The following ASAH2B variants were observed in gnomAD, a reference collection of about 807,000 sequenced individuals.
ASAH2B encodes N-acylsphingosine amidohydrolase 2B.
ASAH2B carries 1 observed loss-of-function variant against 2.9 expected under a neutral mutation model. The observed-to-expected ratio is 0.34, with a 90% confidence interval of 0.12 to 1.63. The LOEUF is 1.63. Ranked by LOEUF, ASAH2B falls within the 40% of genes most tolerant of loss-of-function variation. The pLI is 0.36. For missense variants in ASAH2B, 9 were observed against 37.7 expected, an observed-to-expected ratio of 0.24 and a Z score of 1.99; for synonymous variants, 4 against 13.3, an observed-to-expected ratio of 0.30 and a Z score of 1.52.
At chr10:50,746,975 T>G (rs1445729282) in intron 3 of ASAH2B, among the ~76,000 whole-genome samples, 2 of 150,770 alleles carry the variant, frequency 1.3e-5, no homozygotes, top group Non-Finnish European at 3.0e-5. Context: ...TGTTAATTGT[T>G]TTTTTGGTTG....
intron 3 of ASAH2B, among the ~76,000 whole-genome samples, chr10:50,746,862 C>T (rs1462197521): frequency 6.6e-6 from 1 of 151,058 alleles, no homozygotes; most frequent in Non-Finnish European, 1.5e-5. Flanking sequence ...TGTTTTCTTG[C>T]TATAGAGTTG....
intron 4 of ASAH2B, among the ~76,000 whole-genome samples, chr10:50,751,657 A>G (rs1373566227): frequency 0.016 from 2,460 of 150,774 alleles, no homozygotes; most frequent in African/African-American, 0.058. Context: ...TAGGTGATAC[A>G]TTTAGCAAGG....
intron 2 of ASAH2B, 44 bp downstream of exon 2, chr10:50,743,054 GT>G: frequency 6.3e-7 from 1 of 1,587,886 alleles, no homozygotes; most frequent in Non-Finnish European, 8.6e-7. Context: ...GTGTGTGTGT[GT>G]GTGTATGTCT....
chr10:50,758,685 T>C lies in ASAH2B; in HGVS notation c.*3945T>C, dbSNP rs1468817621. On this transcript the variant is annotated 3_prime_UTR_variant, in exon 6 of 6. Coordinates refer to ENST00000647317, the MANE Select transcript of ASAH2B (RefSeq NM_001321958.2). ...TTTCTGTATTGCAAAATGTATACGTTCCTTTAACAGATTTATATCAAGCAC... is the reference window on the plus strand; with the variant it reads ...TTTCTGTATTGCAAAATGTATACGTCCCTTTAACAGATTTATATCAAGCAC... 1 of 152,144 alleles carries C rather than the reference T, an allele frequency of 6.6e-6. No homozygotes were observed. Among genetic ancestry groups the C allele is most frequent in the Non-Finnish European group, 1.5e-5 (1 of 67,976 alleles). 9.4% of individuals were successfully genotyped at this position (152,144 alleles called of 1,614,324 possible).
At chr10:50,742,182 A>G (rs1211967371) in intron 1 of ASAH2B, among the ~76,000 whole-genome samples, 3 of 152,258 alleles carry the variant, frequency 2.0e-5, no homozygotes, top group Non-Finnish European at 2.9e-5. Context: ...GGTGAAATCT[A>G]TTTGTACCTT....
chr10:50,747,092 T>C (rs1193421626), intron 3 of ASAH2B, among the ~76,000 whole-genome samples: 1 of 150,530 alleles, frequency 6.6e-6, no homozygotes, highest in East Asian at 1.9e-4. Flanking sequence ...TACACCAACA[T>C]CATGGAACTT....
At chr10:50,742,423 A>G (rs1461058796) in intron 1 of ASAH2B, among the ~76,000 whole-genome samples, 1 of 152,232 alleles carries the variant, frequency 6.6e-6, no homozygotes. Context: ...ATAACTTTGA[A>G]GTTCCTGTAG....
chr10:50,742,839 T>A (rs1226707653), intron 1 of ASAH2B, 76 bp from the exon 2 acceptor site: 11 of 1,453,660 alleles, frequency 7.6e-6, no homozygotes. Flanking sequence ...GCATCACACT[T>A]ACCTAAAATG....
intron 2 of ASAH2B, among the ~76,000 whole-genome samples, chr10:50,743,501 G>A (rs944481029): frequency 3.7e-4 from 56 of 150,612 alleles, no homozygotes; most frequent in Non-Finnish European, 1.3e-4. Context: ...ATCAGAGGAA[G>A]CTTATTATTA....
At chr10:50,747,286 A>G (rs1329764121) in intron 3 of ASAH2B, among the ~76,000 whole-genome samples, 1 of 151,328 alleles carries the variant, frequency 6.6e-6, no homozygotes, top group Non-Finnish European at 1.5e-5. Context: ...TCAAAAATCA[A>G]TTTATCATAA....
At chr10:50,747,714 G>A (rs911015433) in intron 3 of ASAH2B, among the ~76,000 whole-genome samples, 1 of 151,618 alleles carries the variant, frequency 6.6e-6, no homozygotes, top group Non-Finnish European at 1.5e-5. Flanking sequence ...TGCATTCATT[G>A]GTTTTCAGAT....
chr10:50,746,523 G>A (rs1839908019), intron 3 of ASAH2B, among the ~76,000 whole-genome samples: 1 of 149,640 alleles, frequency 6.7e-6, no homozygotes, highest in Admixed American at 6.6e-5. Flanking sequence ...ACCCAGAAAT[G>A]GTATTGTGTA....
intron 3 of ASAH2B, among the ~76,000 whole-genome samples, chr10:50,747,492 CTCTTG>C (rs1462936940): frequency 1.3e-5 from 2 of 151,680 alleles, no homozygotes; most frequent in South Asian, 2.1e-4. Context: ...AGACTGGACA[CTCTTG>C]TCTTGTTTCC....
chr10:50,741,066 C>T (rs1212080178), intron 1 of ASAH2B, among the ~76,000 whole-genome samples: 1 of 152,154 alleles, frequency 6.6e-6, no homozygotes, highest in East Asian at 1.9e-4. Context: ...CCAGTTGATA[C>T]CTAGGTCTGA....
chr10:50,741,341 C>G (rs1839828196), intron 1 of ASAH2B, among the ~76,000 whole-genome samples: 1 of 152,204 alleles, frequency 6.6e-6, no homozygotes. Flanking sequence ...GTGCTAGCCA[C>G]TTTCTGGGGC....
chr10:50,748,892 G>C (rs1271156987), intron 3 of ASAH2B, among the ~76,000 whole-genome samples: 1 of 151,296 alleles, frequency 6.6e-6, no homozygotes, highest in East Asian at 1.9e-4. Context: ...TTTTTTAGTC[G>C]TTTCAGGTGG....
chr10:50,747,765 C>G (rs1236675376), intron 3 of ASAH2B, among the ~76,000 whole-genome samples: 1 of 151,616 alleles, frequency 6.6e-6, no homozygotes, highest in Non-Finnish European at 1.5e-5. Context: ...GTGTATAATC[C>G]TTTTTAGATG....
intron 2 of ASAH2B, among the ~76,000 whole-genome samples, 184 bp downstream of exon 2, chr10:50,743,194 T>A (rs73322844): frequency 0.031 from 4,667 of 152,250 alleles, 209 homozygotes; most frequent in African/African-American, 0.1. Context: ...ATAAAATTTC[T>A]TTCCCAATTT....
rs1202759109 is a variant in ASAH2B at position 50,758,693 on chromosome 10, CAG to C, written c.*3955_*3956del. On this transcript the variant is annotated 3_prime_UTR_variant, in exon 6 of 6. Coordinates refer to ENST00000647317, the MANE Select transcript of ASAH2B (RefSeq NM_001321958.2). ...TTGCAAAATGTATACGTTCCTTTAA[CAG>C]ATTTATATCAAGCACCTATATACTT... The C allele has an allele frequency of 1.3e-5, 2 of 152,154 alleles. No homozygotes were observed. Among genetic ancestry groups the C allele is most frequent in the Non-Finnish European group, 2.9e-5 (2 of 67,990 alleles). The allele number at this position is 152,154 out of a possible 1,614,324, so 9.4% of individuals were successfully genotyped here. A position where few individuals can be genotyped will look rare whatever the true frequency, so the allele number is the denominator to read the frequency against.
Sources: gnomAD v4.1 joint callset for allele counts (sites outside exome capture counted in the v4.1 genomes callset) on GRCh38, gnomAD v4.1.1 for gene constraint, MANE v1.5 for transcripts, NCBI Gene and HGNC (gene_info 2026-07-23, HGNC 2026-07-21) for gene names.